NELFB: variants seen among roughly 807,000 people sequenced by gnomAD.
The protein encoded by NELFB is negative elongation factor complex member B.
NELFB carries 34 observed loss-of-function variants against 60.2 expected under a neutral mutation model. The observed-to-expected ratio is 0.56, with a 90% CI of 0.43 to 0.75. The LOEUF (loss-of-function observed/expected upper bound fraction) is 0.75, where lower values mean the gene tolerates loss of function less well. Ranked by LOEUF, NELFB falls within the 30% of genes least tolerant of loss-of-function variation. NELFB has a pLI of 0.00. For synonymous variants in NELFB, 459 were observed against 382.1 expected, an observed-to-expected ratio of 1.20 and a Z score of -2.35; for missense variants, 770 against 831.6, an observed-to-expected ratio of 0.93 and a Z score of 0.91.
intron 6 of NELFB, among the ~76,000 whole-genome samples, chr9:137,264,651 G>C (rs1830497276): frequency 6.6e-6 from 1 of 152,164 alleles, no homozygotes; most frequent in Non-Finnish European, 1.5e-5. Context: ...TTTTTTAGTA[G>C]AGACAGGGTT....
At chr9:137,272,654 C>G in intron 12 of NELFB, 39 bp downstream of exon 12, 1 of 1,547,696 alleles carries the variant, frequency 6.5e-7, no homozygotes, top group South Asian at 1.2e-5. Context: ...GGCACCTGGT[C>G]CCTACCAGCC....
intron 10 of NELFB, among the ~76,000 whole-genome samples, chr9:137,267,604 G>A (rs532162134): frequency 6.7e-6 from 1 of 148,658 alleles, no homozygotes; most frequent in Admixed American, 6.9e-5. Flanking sequence ...GTGATTTCTC[G>A]TGCCTCACCC....
rs775416856 is a variant in NELFB at position 137,269,080 on chromosome 9, C to T, written c.1489+1734C>T. 1.1e-4 allele frequency among the ~76,000 whole-genome samples: 17 copies of T among 150,978 alleles called. No individual in the cohort carries two copies. Among genetic ancestry groups the T allele is most frequent in the African/African-American group, 1.7e-4 (7 of 40,996 alleles). On this transcript the variant is annotated intron_variant, in intron 10 of 12. Coordinates refer to ENST00000343053, the MANE Select transcript of NELFB (RefSeq NM_015456.5). The surrounding 1 kb of genome is among the most constrained non-coding windows in gnomAD (Gnocchi z 5.3). ...GTTTCCGATGGTGAACTTGGGGACA[C>T]GTCCACACCACAGCACGTGCCTATT...
chr9:137,263,317 C>T (rs1830477536), intron 5 of NELFB, 95 bp downstream of exon 5: 1 of 1,194,806 alleles, frequency 8.4e-7, no homozygotes, highest in Non-Finnish European at 1.2e-6. Flanking sequence ...TCCCTCCTTC[C>T]CCCACTGCCC....
At chr9:137,267,129 G>T in intron 9 of NELFB, 43 bp downstream of exon 9, 1 of 1,613,174 alleles carries the variant, frequency 6.2e-7, no homozygotes, top group South Asian at 1.1e-5. Flanking sequence ...CCGTGGCGCA[G>T]GGATGGCACT....
chr9:137,267,108 T>C, intron 9 of NELFB, 22 bp downstream of exon 9: 1 of 1,613,576 alleles, frequency 6.2e-7, no homozygotes, highest in Non-Finnish European at 8.5e-7. Flanking sequence ...AGGGCCATGG[T>C]GCAGGGGTGG....
intron 10 of NELFB, among the ~76,000 whole-genome samples, chr9:137,270,017 C>G (rs1232218399): frequency 6.6e-6 from 1 of 152,108 alleles, no homozygotes; most frequent in Non-Finnish European, 1.5e-5. Flanking sequence ...AATACGAAGT[C>G]AAGAGCATGG....
intron 4 of NELFB, 46 bp from the exon 5 acceptor site, chr9:137,262,991 C>T (rs369402710): frequency 1.1e-5 from 18 of 1,586,370 alleles, no homozygotes; most frequent in African/African-American, 1.1e-4. Context: ...CTGTGTCTGG[C>T]GGAGCCCAGG....
In NELFB at chr9:137,266,445, G is replaced by A; in HGVS notation, c.1239+19G>A. The A allele has an allele frequency of 6.2e-7, 1 of 1,600,320 alleles. No homozygotes were observed. The highest frequency in any genetic ancestry group is 8.6e-7 in the Non-Finnish European group (1 of 1,169,164). ...CAAGATGGTAACGAGCCTCCTGTGG[G>A]GGCTGCCAGTTTCCTACGAGGGGTT... On this transcript the variant is annotated intron_variant, in intron 8 of 12. Coordinates refer to ENST00000343053, the MANE Select transcript of NELFB (RefSeq NM_015456.5).
intron 10 of NELFB, among the ~76,000 whole-genome samples, chr9:137,268,792 AGAGACACAGAGACAGAGAT>A (rs1370718700): frequency 1.3e-5 from 2 of 152,144 alleles, no homozygotes; most frequent in African/African-American, 2.4e-5. Flanking sequence ...GACAAAGATG[AGAGACACAGAGACAGAGAT>A]GAGACACAGA....
At chr9:137,255,739 G>A (rs1419069896) in intron 1 of NELFB, 128 bp downstream of exon 1, 15 of 1,419,376 alleles carry the variant, frequency 1.1e-5, no homozygotes, top group African/African-American at 1.4e-5. Context: ...TTCTGGGGGT[G>A]GAGTCCGGAG....
intron 4 of NELFB, among the ~76,000 whole-genome samples, chr9:137,261,412 C>G (rs1830445374): frequency 6.7e-6 from 1 of 148,916 alleles, no homozygotes; most frequent in Non-Finnish European, 1.5e-5. Context: ...AATCCTAGCA[C>G]TTTGGGAGGC....
intron 3 of NELFB, 57 bp from the exon 4 acceptor site, chr9:137,256,767 T>G (rs1312321342): frequency 2.0e-5 from 31 of 1,563,822 alleles, no homozygotes; most frequent in African/African-American, 8.1e-5. Context: ...TTGGCTTGTC[T>G]TGAAGGAGAC....
Position 137,269,026 on chromosome 9 carries a change from G to A in NELFB, c.1489+1680G>A, listed in dbSNP as rs904626996. On this transcript the variant is annotated intron_variant, in intron 10 of 12. Coordinates refer to ENST00000343053, the MANE Select transcript of NELFB (RefSeq NM_015456.5). The surrounding 1 kb of genome is among the most constrained non-coding windows in gnomAD (Gnocchi z 5.3). Reference sequence around the variant, plus strand: ...GCTTTGGTGAGGACGGAGCCCTCACGACCTCAGCAGTGTTGCGTTGGGGAT... The same window carrying A: ...GCTTTGGTGAGGACGGAGCCCTCACAACCTCAGCAGTGTTGCGTTGGGGAT... Among the ~76,000 whole-genome samples the A allele has an allele frequency of 4.6e-5, 7 of 152,026 alleles. No homozygotes were observed. Among genetic ancestry groups the A allele is most frequent in the Admixed American group, 1.3e-4 (2 of 15,258 alleles).
chr9:137,263,096 G>C lies in NELFB; in HGVS notation c.801G>C (p.Leu267=). Residue 267 remains leucine, a synonymous_variant, in exon 5 of 13, where the codon CTG becomes CTC. Transcript: ENST00000343053. ...ACGTGAAGCTGTACGACATGGTGCT[G>C]CAGTTTCTGCGCACGCTCTTCCTGC... is the stretch of plus-strand genomic sequence containing the variant. 4 of 1,614,078 alleles carry C rather than the reference G, an allele frequency of 2.5e-6. No homozygotes were observed. Among genetic ancestry groups the C allele is most frequent in the Non-Finnish European group, 2.5e-6 (3 of 1,179,976 alleles).
At chr9:137,264,039 C>T (rs576878352) in intron 5 of NELFB, among the ~76,000 whole-genome samples, 1 of 152,358 alleles carries the variant, frequency 6.6e-6, no homozygotes, top group African/African-American at 2.4e-5. Flanking sequence ...GAAACATCAT[C>T]ACTTTCTCCA....
chr9:137,257,081 G>T lies in NELFB; in HGVS notation c.741+27G>T, dbSNP rs759938644. The T allele has an allele frequency of 2.2e-5, 35 of 1,593,316 alleles. No homozygotes were observed. The South Asian group carries it at 3.6e-4, about 17-fold the overall frequency. ...TGAGGGGACAGGCCGTGTGCGGGGT[G>T]GGGCACCTCTTGGGGATGCCACGGC... On this transcript the variant is annotated intron_variant, in intron 4 of 12. Transcript: ENST00000343053.
At chr9:137,264,178 T>C (rs1830490761) in intron 5 of NELFB, 67 bp from the exon 6 acceptor site, 18 of 1,256,478 alleles carry the variant, frequency 1.4e-5, no homozygotes, top group Non-Finnish European at 1.8e-5. Context: ...GGAGCTGTGT[T>C]TGGGGCCTGG....
intron 4 of NELFB, among the ~76,000 whole-genome samples, chr9:137,261,109 G>T (rs1361464832): frequency 1.3e-5 from 2 of 151,624 alleles, no homozygotes; most frequent in African/African-American, 2.4e-5. Flanking sequence ...TTGGGAGGCC[G>T]AGGCGGGTGG....
Sources: allele counts gnomAD v4.1 joint callset (sites outside exome capture counted in the v4.1 genomes callset), GRCh38; gene constraint gnomAD v4.1.1; non-coding constraint Gnocchi (gnomAD v3.1); transcripts MANE v1.5; gene names NCBI Gene and HGNC (gene_info 2026-07-23, HGNC 2026-07-21).